Variants in ATP8B4 observed in about 807,000 individuals in gnomAD.
ATP8B4 encodes the protein ATPase phospholipid transporting 8B4 (putative).
Under a neutral mutation model 145.6 loss-of-function variants are expected in ATP8B4, and 133 were observed. The ratio of observed to expected loss-of-function variants is 0.91; its 90% CI spans 0.79 to 1.05. ATP8B4 has a LOEUF of 1.05. Ranked by LOEUF, ATP8B4 falls within the 50% of genes least tolerant of loss-of-function variation. ATP8B4 has a pLI of 0.00. For synonymous variants in ATP8B4, 507 were observed against 492.9 expected, an observed-to-expected ratio of 1.03 and a Z score of -0.38; for missense variants, 1,458 against 1,425.2, an observed-to-expected ratio of 1.02 and a Z score of -0.37.
At chr15:50,050,298 G>A (rs749134599) in intron 3 of ATP8B4, among the ~76,000 whole-genome samples, 15 of 152,120 alleles carry the variant, frequency 9.9e-5, no homozygotes, top group Non-Finnish European at 2.1e-4. Context: ...CTATTGTACT[G>A]ACATGTCCAA....
At chr15:49,889,780 A>G (rs1566936092) in intron 23 of ATP8B4, among the ~76,000 whole-genome samples, 2 of 152,248 alleles carry the variant, frequency 1.3e-5, no homozygotes, top group Admixed American at 1.3e-4. Flanking sequence ...AGCACATGTC[A>G]CTTCATTAAA....
chr15:49,917,771 T>C (rs1052887584), intron 19 of ATP8B4, among the ~76,000 whole-genome samples: 1 of 152,202 alleles, frequency 6.6e-6, no homozygotes, highest in African/African-American at 2.4e-5. Context: ...TTCTATGGAA[T>C]CATTAGTTTT....
chr15:49,967,970 C>T (rs200498327), intron 13 of ATP8B4, among the ~76,000 whole-genome samples: 1 of 152,194 alleles, frequency 6.6e-6, no homozygotes, highest in Non-Finnish European at 1.5e-5. Context: ...GGTCAATATT[C>T]AACAGTCTTA....
In ATP8B4 at chr15:50,143,719, T is replaced by C. The variant is rs188028439; in HGVS notation, c.-42-36711A>G. ...GGCTTTGTGCAAATCACAAGTGTTCTATGAAGCATTTCAAATGGAAACAGG... is the reference window on the plus strand; with the variant it reads ...GGCTTTGTGCAAATCACAAGTGTTCCATGAAGCATTTCAAATGGAAACAGG... On this transcript the variant is annotated intron_variant, in intron 1 of 3. Transcript: ENST00000558829. 2.7e-3 allele frequency among the ~76,000 whole-genome samples: 415 copies of C among 152,302 alleles called. 1 individual carries two copies. Among genetic ancestry groups the C allele is most frequent in the African/African-American group, 9.4e-3 (390 of 41,538 alleles).
intron 18 of ATP8B4, among the ~76,000 whole-genome samples, chr15:49,920,028 C>T (rs375134560): frequency 1.2e-3 from 179 of 152,298 alleles, no homozygotes; most frequent in Non-Finnish European, 2.1e-3. Context: ...GGGAAGCTTC[C>T]AATTGCATAA....
chr15:50,147,665 C>G, intron 1 of ATP8B4, among the ~76,000 whole-genome samples: 1 of 152,020 alleles, frequency 6.6e-6, no homozygotes, highest in South Asian at 2.1e-4. Context: ...AAAAGCTGAT[C>G]GGGACCTGCC....
intron 1 of ATP8B4, among the ~76,000 whole-genome samples, chr15:50,125,294 T>C (rs754765563): frequency 2.0e-5 from 3 of 152,166 alleles, no homozygotes; most frequent in Non-Finnish European, 2.9e-5. Context: ...ATTTTCTCCT[T>C]AGCAAACTGT....
intron 1 of ATP8B4, among the ~76,000 whole-genome samples, chr15:50,139,413 A>G (rs1595638630): frequency 6.6e-6 from 1 of 151,984 alleles, no homozygotes; most frequent in Non-Finnish European, 1.5e-5. Flanking sequence ...AGGGAGGGGA[A>G]CATCATACAC....
intron 1 of ATP8B4, among the ~76,000 whole-genome samples, chr15:50,158,845 C>A (rs2044471857): frequency 6.6e-6 from 1 of 152,226 alleles, no homozygotes; most frequent in Non-Finnish European, 1.5e-5. Flanking sequence ...TGTGCCCACT[C>A]AGGGTTAAAT....
In ATP8B4 at chr15:49,995,098, G is replaced by T. The variant is rs561472587; in HGVS notation, c.589+1579C>A. Among the ~76,000 whole-genome samples the T allele has an allele frequency of 9.2e-5, 14 of 152,230 alleles. 1 individual carries two copies. In the South Asian group the frequency reaches 2.9e-3, roughly 32 times the overall value. ...TAAGATTGCAGGGCTGTTTATAACT[G>T]CATCATAGTGTAGCCTATCTGAGCA... is the stretch of plus-strand genomic sequence containing the variant. On this transcript the variant is annotated intron_variant, in intron 9 of 27. Transcript: ENST00000284509.
At chr15:49,879,933 G>T (rs956809857) in intron 23 of ATP8B4, 6 of 152,356 alleles carry the variant, frequency 3.9e-5, no homozygotes, top group Admixed American at 3.9e-4. Flanking sequence ...TTTTGCGGGG[G>T]AGTGGTTTAA....
chr15:49,937,801 A>G (rs944918830), intron 14 of ATP8B4, among the ~76,000 whole-genome samples: 5 of 152,208 alleles, frequency 3.3e-5, no homozygotes, highest in African/African-American at 7.2e-5. Flanking sequence ...TCAGCCATTC[A>G]TTGATTAATA....
chr15:49,985,858 G>T (rs561460306), intron 10 of ATP8B4, among the ~76,000 whole-genome samples: 3 of 152,160 alleles, frequency 2.0e-5, no homozygotes, highest in African/African-American at 7.2e-5. Context: ...TGACCCTAAT[G>T]TACTCATTAT....
chr15:50,166,010 T>A (rs900533586), intron 1 of ATP8B4, among the ~76,000 whole-genome samples: 28 of 105,772 alleles, frequency 2.6e-4, no homozygotes, highest in Non-Finnish European at 4.4e-4. Context: ...CACACACACC[T>A]CATCTAACTG....
At chr15:50,155,530 A>T (rs1458881659) in intron 1 of ATP8B4, among the ~76,000 whole-genome samples, 1 of 152,142 alleles carries the variant, frequency 6.6e-6, no homozygotes, top group Non-Finnish European at 1.5e-5. Context: ...CTTATTTACT[A>T]AAGATTTACT....
intron 6 of ATP8B4, among the ~76,000 whole-genome samples, chr15:50,022,980 G>A (rs934494962): frequency 3.3e-5 from 5 of 152,042 alleles, no homozygotes; most frequent in African/African-American, 1.2e-4. Context: ...TTTTTTGCCT[G>A]GAGTAGACTC....
intron 23 of ATP8B4, chr15:49,880,050 A>G (rs1282568199): frequency 6.6e-6 from 1 of 152,294 alleles, no homozygotes; most frequent in Non-Finnish European, 1.5e-5. Flanking sequence ...TCAATGAGGC[A>G]TGTGAAGCAG....
intron 9 of ATP8B4, among the ~76,000 whole-genome samples, chr15:49,989,743 A>G (rs2046905379): frequency 6.6e-6 from 1 of 152,146 alleles, no homozygotes; most frequent in South Asian, 2.1e-4. Context: ...AATGGTGGGA[A>G]CAAAGCCAAA....
intron 1 of ATP8B4, among the ~76,000 whole-genome samples, chr15:50,124,386 G>A (rs906568939): frequency 6.6e-6 from 1 of 151,992 alleles, no homozygotes; most frequent in Non-Finnish European, 1.5e-5. Context: ...CATCCTCCAT[G>A]AAAAGACTCA....
Sources: gnomAD v4.1 joint callset for allele counts (sites outside exome capture counted in the v4.1 genomes callset) on GRCh38, gnomAD v4.1.1 for gene constraint, MANE v1.5 for transcripts, NCBI Gene and HGNC (gene_info 2026-07-23, HGNC 2026-07-21) for gene names.